Variants in TUSC3 observed in about 807,000 individuals in gnomAD.
TUSC3 encodes dolichyl-diphosphooligosaccharide--protein glycosyltransferase subunit TUSC3.
In TUSC3, 45 loss-of-function variants were observed where a neutral mutation model predicts 44.8. That is an observed-to-expected ratio of 1.00 (90% CI 0.79 to 1.29). The LOEUF (loss-of-function observed/expected upper bound fraction) is 1.29. Ranked by LOEUF, TUSC3 falls within the 50% of genes most tolerant of loss-of-function variation. The probability of loss-of-function intolerance (pLI) is 0.00; values close to 1 mark genes in which losing one functional copy is unlikely to be tolerated. For missense variants in TUSC3, 519 were observed against 437.9 expected, an observed-to-expected ratio of 1.19 and a Z score of -1.65; for synonymous variants, 212 against 152.9, an observed-to-expected ratio of 1.39 and a Z score of -2.85.
chr8:15,729,711 G>A (rs981410156), intron 6 of TUSC3, among the ~76,000 whole-genome samples: 1 of 152,052 alleles, frequency 6.6e-6, no homozygotes, highest in Non-Finnish European at 1.5e-5. Flanking sequence ...CTTACTTGAG[G>A]TTGGAGGGTG....
At chr8:15,642,193 G>T (rs1312219478) in intron 2 of TUSC3, among the ~76,000 whole-genome samples, 1 of 152,108 alleles carries the variant, frequency 6.6e-6, no homozygotes, top group African/African-American at 2.4e-5. Context: ...ATGGAATTTT[G>T]TAGTATCACA....
intron 1 of TUSC3, among the ~76,000 whole-genome samples, chr8:15,447,666 C>G (rs1292409768): frequency 6.6e-6 from 1 of 150,654 alleles, no homozygotes; most frequent in African/African-American, 2.4e-5. Context: ...TAATGATTAC[C>G]TTTGAAAAGC....
chr8:15,644,974 C>G (rs1806560103), intron 2 of TUSC3, among the ~76,000 whole-genome samples: 1 of 152,094 alleles, frequency 6.6e-6, no homozygotes, highest in Admixed American at 6.5e-5. Flanking sequence ...CAAAATTTTG[C>G]TGGATGTTAT....
At chr8:15,617,723 C>G (rs1229479763) in intron 1 of TUSC3, among the ~76,000 whole-genome samples, 1 of 152,076 alleles carries the variant, frequency 6.6e-6, no homozygotes. Context: ...ATACTGTTTT[C>G]CAAAGTTATG....
At chr8:15,707,615 C>T (rs376217346) in intron 6 of TUSC3, among the ~76,000 whole-genome samples, 14 of 151,688 alleles carry the variant, frequency 9.2e-5, no homozygotes, top group Non-Finnish European at 1.5e-4. Context: ...TATATTTCTG[C>T]GAGAGCAAAG....
At position 15,662,194 on chromosome 8, in the gene TUSC3, T is replaced by G. The variant is rs1366853518; in HGVS notation, c.606T>G (p.Ile202Met). ...GACCACCCAACTACTCTGGTACCAT[T>G]GCTTTGGCCCTGTTAGTGTCGCTTG... ...VFRPPNYSGT[I>M]ALALLVSLVG... The change falls in exon 5 of 11, where the codon ATT (isoleucine) becomes ATG (methionine). Residue 202 changes from isoleucine to methionine, a missense_variant. Ile to Met is a conservative substitution (Grantham distance 10). Coordinates refer to ENST00000503731, the MANE Select transcript of TUSC3 (RefSeq NM_006765.4). 1.9e-6 allele frequency: 3 copies of G among 1,613,178 alleles called. No individual in the cohort carries two copies. Among genetic ancestry groups the G allele is most frequent in the Non-Finnish European group, 2.5e-6 (3 of 1,179,318 alleles).
Position 15,692,179 on chromosome 8 carries a change from A to G in TUSC3, c.798+18343A>G, listed in dbSNP as rs180797639. Among the ~76,000 whole-genome samples the G allele has an allele frequency of 7.4e-4, 113 of 152,230 alleles. No homozygotes were observed. In the Middle Eastern group the frequency reaches 0.01, roughly 14 times the overall value. On this transcript the variant is annotated intron_variant, in intron 6 of 10. Coordinates refer to ENST00000503731, the MANE Select transcript of TUSC3 (RefSeq NM_006765.4). ...GCATACCAGGGATAAAGACTACTTG[A>G]TCATGGTGGATTAACTTTTTGATGT...
At chr8:15,769,802 A>C (rs1447496482), downstream of TUSC3, among the ~76,000 whole-genome samples, 1 of 152,246 alleles carries the variant, frequency 6.6e-6, no homozygotes, top group Non-Finnish European at 1.5e-5. Flanking sequence ...TATGTGGCCC[A>C]CAAACGTTAA....
At chr8:15,817,076 G>C in the TUSC3 span, among the ~76,000 whole-genome samples, 1 of 152,110 alleles carries the variant, frequency 6.6e-6, no homozygotes, top group East Asian at 1.9e-4. Context: ...AGTAATTTCC[G>C]TACAGTCTGG....
chr8:15,806,669 G>T, the TUSC3 span: 2 of 1,049,018 alleles, frequency 1.9e-6, no homozygotes, highest in Non-Finnish European at 3.0e-6. Context: ...CTGCCCAGTA[G>T]GACCTTTCCC....
the TUSC3 span, among the ~76,000 whole-genome samples, chr8:15,773,205 G>A: frequency 6.6e-6 from 1 of 152,106 alleles, no homozygotes. Flanking sequence ...TCCTTTCACA[G>A]ATGGCATGAT....
intron 6 of TUSC3, among the ~76,000 whole-genome samples, chr8:15,703,839 T>A (rs1236993477): frequency 6.6e-6 from 1 of 152,054 alleles, no homozygotes; most frequent in East Asian, 1.9e-4. Flanking sequence ...CATTTCAACA[T>A]GAGATTTGGA....
intron 1 of TUSC3, among the ~76,000 whole-genome samples, chr8:15,569,010 T>C (rs866582175): frequency 1.3e-5 from 2 of 152,292 alleles, no homozygotes; most frequent in Middle Eastern, 6.8e-3. Context: ...CAAGTAGACC[T>C]GATTTACATT....
chr8:15,562,192 G>A (rs76887419), intron 1 of TUSC3, among the ~76,000 whole-genome samples: 6 of 152,082 alleles, frequency 3.9e-5, no homozygotes, highest in Admixed American at 3.3e-4. Flanking sequence ...CAATTACTGC[G>A]TGAGGTTGAG....
intron 7 of TUSC3, among the ~76,000 whole-genome samples, chr8:15,732,433 C>G (rs1032158096): frequency 6.6e-6 from 1 of 152,124 alleles, no homozygotes; most frequent in African/African-American, 2.4e-5. Context: ...GATTGTGAGG[C>G]TTCCACAGCC....
At chr8:15,554,749 C>CGAGTAG (rs1585095827) in intron 1 of TUSC3, among the ~76,000 whole-genome samples, 1 of 150,420 alleles carries the variant, frequency 6.6e-6, no homozygotes, top group East Asian at 2.0e-4. Flanking sequence ...ACCACAGGCG[C>CGAGTAG]CCTCACCACG....
intron 1 of TUSC3, among the ~76,000 whole-genome samples, chr8:15,455,380 T>A (rs1033241796): frequency 2.7e-4 from 41 of 152,136 alleles, no homozygotes; most frequent in African/African-American, 9.9e-4. Flanking sequence ...TATATGTATG[T>A]ATATGTGTGT....
intron 3 of TUSC3, among the ~76,000 whole-genome samples, chr8:15,654,508 A>G (rs949190534): frequency 4.6e-5 from 7 of 152,180 alleles, no homozygotes; most frequent in Non-Finnish European, 1.0e-4. Context: ...TATAATCTGT[A>G]TGATGTTTAC....
intron 2 of TUSC3, among the ~76,000 whole-genome samples, chr8:15,641,233 C>A (rs961036479): frequency 6.6e-6 from 1 of 152,002 alleles, no homozygotes; most frequent in South Asian, 2.1e-4. Context: ...CGGTGGCACT[C>A]GCCTGTAGTC....
Sources: gnomAD v4.1 joint callset for allele counts (sites outside exome capture counted in the v4.1 genomes callset) on GRCh38, gnomAD v4.1.1 for gene constraint, MANE v1.5 for transcripts, NCBI Gene and HGNC (gene_info 2026-07-23, HGNC 2026-07-21) for gene names.